The following HECTD4 variants were observed in gnomAD, a reference collection of about 807,000 sequenced individuals.
The protein encoded by HECTD4 is HECT domain E3 ubiquitin protein ligase 4, also known as probable E3 ubiquitin-protein ligase HECTD4.
In HECTD4, 114 loss-of-function variants were observed where a neutral mutation model predicts 471.5. The ratio of observed to expected loss-of-function variants is 0.24; its 90% CI spans 0.21 to 0.28. The LOEUF is 0.28. HECTD4 is among the 10% of genes least tolerant of loss of function. The pLI, the probability that HECTD4 is intolerant of heterozygous loss-of-function variation, is 1.00. For synonymous variants in HECTD4, 2,012 were observed against 2,256.0 expected, an observed-to-expected ratio of 0.89 and a Z score of 3.07; for missense variants, 3,866 against 5,651.5, an observed-to-expected ratio of 0.68 and a Z score of 10.13.
chr12:112,278,336 GGTGT>G (rs1260544891), intron 9 of HECTD4, among the ~76,000 whole-genome samples: 1 of 152,030 alleles, frequency 6.6e-6, no homozygotes, highest in Admixed American at 6.6e-5. Flanking sequence ...TGAAATTTAC[GGTGT>G]GTGAGTTATA....
chr12:112,290,858 C>CAAAA (rs201183139), intron 7 of HECTD4, among the ~76,000 whole-genome samples: 1 of 125,294 alleles, frequency 8.0e-6, no homozygotes, highest in African/African-American at 3.3e-5. Context: ...CAAAAAAAAA[C>CAAAA]AAAACAAAAA....
intron 71 of HECTD4, 60 bp downstream of exon 71, chr12:112,167,754 C>A: frequency 6.9e-7 from 1 of 1,449,690 alleles, no homozygotes; most frequent in African/African-American, 1.4e-5. Flanking sequence ...GCCCGCCACC[C>A]CAGCCACTGC....
At chr12:112,341,312 A>C (rs939182216) in intron 1 of HECTD4, among the ~76,000 whole-genome samples, 1 of 152,210 alleles carries the variant, frequency 6.6e-6, no homozygotes, top group Non-Finnish European at 1.5e-5. Context: ...CCAGGTCAGC[A>C]CTTCTGTTTG....
intron 1 of HECTD4, among the ~76,000 whole-genome samples, chr12:112,332,010 A>G (rs916377568): frequency 2.6e-4 from 39 of 152,224 alleles, no homozygotes; most frequent in African/African-American, 9.4e-4. Context: ...TGTCACATGA[A>G]AAATGGTTAA....
At chr12:112,167,780 G>C (rs150819196) in intron 71 of HECTD4, 34 bp downstream of exon 71, 1 of 1,560,122 alleles carries the variant, frequency 6.4e-7, no homozygotes, top group South Asian at 1.1e-5. Context: ...ACATGAGCTC[G>C]GGGGCGTGGA....
At position 112,228,263 on chromosome 12, in the gene HECTD4, T is replaced by C; in HGVS notation, c.6685-5A>G. On this transcript the variant is annotated splice_region_variant and splice_polypyrimidine_tract_variant and intron_variant, in intron 42 of 75. Transcript: ENST00000682272. This position sits in a 1 kb window ranked among gnomAD's most constrained non-coding sequence, Gnocchi z 4.9. ...CAGTTTATGAAGAGGCAATGCCTGA[T>C]GGCGGTGGGGGGGCATGGCAAAAAG... The C allele has an allele frequency of 6.3e-7, 1 of 1,576,548 alleles. No individual in the cohort carries two copies.
At chr12:112,167,589 G>C (rs994257562) in intron 71 of HECTD4, 51 bp from the exon 72 acceptor site, 1 of 1,385,420 alleles carries the variant, frequency 7.2e-7, no homozygotes, top group South Asian at 1.4e-5. Flanking sequence ...CTCTGTGCCC[G>C]CCAGGGAACA....
chr12:112,341,425 A>T (rs1338661365), intron 1 of HECTD4, among the ~76,000 whole-genome samples: 1 of 152,170 alleles, frequency 6.6e-6, no homozygotes, highest in Non-Finnish European at 1.5e-5. Context: ...GCACCCAGTG[A>T]CTACTCAATA....
Position 112,248,314 on chromosome 12 carries a change from A to G in HECTD4, c.4143+6T>C. ...AAATTGTTTCCAACAGTTATCAGAC[A>G]TTTACCTGCAGCTGTCTCTCCATGG... On this transcript the variant is annotated splice_donor_region_variant and intron_variant, in intron 26 of 75. Coordinates refer to ENST00000682272, the MANE Select transcript of HECTD4 (RefSeq NM_001388303.1). 1 of 1,574,488 alleles carries G rather than the reference A, an allele frequency of 6.4e-7. No homozygotes were observed. Among genetic ancestry groups the G allele is most frequent in the South Asian group, 1.2e-5 (1 of 85,410 alleles).
intron 60 of HECTD4, among the ~76,000 whole-genome samples, chr12:112,186,251 A>G (rs1436783320): frequency 6.6e-6 from 1 of 150,752 alleles, no homozygotes; most frequent in Admixed American, 6.6e-5. Flanking sequence ...CAGCCTCCCA[A>G]AGTGCTGGGT....
chr12:112,165,508 T>C (rs367985049), intron 72 of HECTD4, among the ~76,000 whole-genome samples: 171 of 151,862 alleles, frequency 1.1e-3, no homozygotes, highest in African/African-American at 3.4e-3. Context: ...CCCGCCACCA[T>C]GCCTGGCTAA....
chr12:112,349,123 T>G (rs1274704846), intron 1 of HECTD4, among the ~76,000 whole-genome samples: 1 of 151,938 alleles, frequency 6.6e-6, no homozygotes, highest in Non-Finnish European at 1.5e-5. Flanking sequence ...CCAGGTGCGG[T>G]GGCTCACGCC....
chr12:112,181,984 G>A (rs2031686380), intron 62 of HECTD4, among the ~76,000 whole-genome samples: 1 of 152,050 alleles, frequency 6.6e-6, no homozygotes, highest in Non-Finnish European at 1.5e-5. Flanking sequence ...CCCAGCTACT[G>A]GGGAGGCTGA....
At position 112,256,395 on chromosome 12, in the gene HECTD4, C is replaced by T. The variant is rs1420364707; in HGVS notation, c.3252G>A (p.Thr1084=). The change falls in exon 21 of 76, where the codon ACG becomes ACA. Residue 1084 remains threonine (T), a synonymous_variant. Coordinates refer to ENST00000682272, the MANE Select transcript of HECTD4 (RefSeq NM_001388303.1). ...GGCAGCGAGCTCCTGGGATATGGAC[C>T]GTTTCTTTAAATTTATAGTTGTCTC... ...PVRDNYKFKE[T]VHIPGARCLY... 4.3e-6 allele frequency: 7 copies of T among 1,612,766 alleles called. No homozygotes were observed. Among genetic ancestry groups the T allele is most frequent in the East Asian group, 2.2e-5 (1 of 44,818 alleles).
chr12:112,185,319 T>G lies in HECTD4; in HGVS notation c.9647A>C (p.Gln3216Pro). Residue 3216 changes from glutamine (Q) to proline (P), a missense_variant, in exon 61 of 76, where the codon CAG becomes CCG. By Grantham distance (76) the Gln-to-Pro change is moderately conservative. Around this residue, in one of 16 missense-constraint regions of HECTD4, gnomAD observed 364 missense variants for 413.2 expected, o/e 0.88. Transcript: ENST00000682272. ...NPCLAMLMAL[Q>P]SELHKLYDEE... ...GTCGTACAGCTTGTGGAGCTCCGAC[T>G]GCAAGGCCATCAGCATGGCCAGGCA... 1 of 1,580,998 alleles carries G rather than the reference T, an allele frequency of 6.3e-7. No individual in the cohort carries two copies. Among genetic ancestry groups the G allele is most frequent in the Admixed American group, 1.8e-5 (1 of 54,714 alleles).
At chr12:112,202,325 C>T (rs2032453488) in intron 54 of HECTD4, among the ~76,000 whole-genome samples, 1 of 152,012 alleles carries the variant, frequency 6.6e-6, no homozygotes, top group Non-Finnish European at 1.5e-5. Context: ...CCTGCCTCGG[C>T]CTCCCAAGTA....
At chr12:112,233,437 G>C (rs1404583447) in intron 37 of HECTD4, among the ~76,000 whole-genome samples, 1 of 151,614 alleles carries the variant, frequency 6.6e-6, no homozygotes, top group African/African-American at 2.4e-5. Flanking sequence ...TGCCCAGGCT[G>C]GTCTCGAACT....
At chr12:112,305,048 G>T (rs371756393) in intron 7 of HECTD4, among the ~76,000 whole-genome samples, 1 of 152,078 alleles carries the variant, frequency 6.6e-6, no homozygotes, top group South Asian at 2.1e-4. Context: ...TCTTTTATAA[G>T]TCTCTACAAA....
intron 52 of HECTD4, among the ~76,000 whole-genome samples, 194 bp downstream of exon 52, chr12:112,207,680 C>A (rs1227191530): frequency 6.6e-6 from 1 of 152,134 alleles, no homozygotes; most frequent in African/African-American, 2.4e-5. Flanking sequence ...CCAAAATATT[C>A]AGCTAAATTG....
Sources: gnomAD v4.1 joint callset for allele counts (sites outside exome capture counted in the v4.1 genomes callset) on GRCh38, gnomAD v4.1.1 for gene constraint, gnomAD v4.1.1 regional missense constraint, Gnocchi (gnomAD v3.1) non-coding constraint, MANE v1.5 for transcripts, NCBI Gene and HGNC (gene_info 2026-07-23, HGNC 2026-07-21) for gene names.